SYTL2: variants seen among roughly 807,000 people sequenced by gnomAD.
SYTL2 encodes the protein synaptotagmin-like protein 2.
A neutral mutation model predicts 198.7 loss-of-function variants in SYTL2; 165 were observed. The ratio of observed to expected loss-of-function variants is 0.83; its 90% CI spans 0.73 to 0.94. The LOEUF is 0.94. Ranked by LOEUF, SYTL2 falls within the 40% of genes least tolerant of loss-of-function variation. The pLI is 0.00. For synonymous variants in SYTL2, 966 were observed against 917.7 expected, an observed-to-expected ratio of 1.05 and a Z score of -0.95; for missense variants, 2,835 against 2,582.8, an observed-to-expected ratio of 1.10 and a Z score of -2.12.
intron 2 of SYTL2, among the ~76,000 whole-genome samples, chr11:85,749,067 G>A (rs2091352460): frequency 6.6e-6 from 1 of 152,154 alleles, no homozygotes; most frequent in Non-Finnish European, 1.5e-5. Flanking sequence ...GAGGAGGAGT[G>A]TGTACAGGCA....
At chr11:85,707,976 C>CCACA (rs374898366) in intron 14 of SYTL2, 1,200 of 96,664 alleles carry the variant, frequency 0.012, 13 homozygotes, top group Admixed American at 0.019. Context: ...AAAAAAAAAA[C>CCACA]CACACACACA....
In SYTL2 at chr11:85,734,515, C is replaced by T. The variant is rs1452117759; in HGVS notation, c.814G>A (p.Gly272Arg). Residue 272 changes from glycine (G) to arginine (R), a missense_variant, in exon 7 of 20, where the codon GGG becomes AGG. Around this residue, in one of 3 missense-constraint regions of SYTL2, gnomAD observed 2,645 missense variants for 2,381.7 expected, o/e 1.11. Coordinates refer to ENST00000359152, the MANE Select transcript of SYTL2 (RefSeq NM_206927.4). The stretch of plus-strand genomic sequence containing the variant: ...GAACTGGAGTTGCGCTTGAGGATCC[C>T]TCTCGGAGCCCCTCTCGCTTTCAGG... Reference protein sequence around the residue: ...DSLKARGAPRGILKRNSSSSS... With the variant: ...DSLKARGAPRRILKRNSSSSS... The T allele has an allele frequency of 1.2e-6, 2 of 1,614,084 alleles. No homozygotes were observed. Among genetic ancestry groups the T allele is most frequent in the Non-Finnish European group, 1.7e-6 (2 of 1,180,030 alleles).
At position 85,727,151 on chromosome 11, in the gene SYTL2, T is replaced by G. The variant is rs1197169053; in HGVS notation, c.2207A>C (p.Lys736Thr). Residue 736 changes from lysine (K) to threonine (T), a missense_variant, in exon 8 of 20, where the codon AAA (lysine) becomes ACA (threonine). Coordinates refer to ENST00000359152, the MANE Select transcript of SYTL2 (RefSeq NM_206927.4). ...KDNMNAERKS[K>T]VGNTYILKAS... is the part of the protein sequence containing the mutation. ...TTTCAGGATATAGGTATTTCCTACT[T>G]TGCTCTTTCTCTCTGCATTCATGTT... is the stretch of plus-strand genomic sequence containing the variant. 3 of 1,536,284 alleles carry G rather than the reference T, an allele frequency of 2.0e-6. No homozygotes were observed. The highest frequency in any genetic ancestry group is 2.6e-6 in the Non-Finnish European group (3 of 1,146,896).
In SYTL2 at chr11:85,747,996, G is replaced by A. The variant is rs143053079; in HGVS notation, c.253+276C>T. On this transcript the variant is annotated intron_variant, in intron 3 of 19. Transcript: ENST00000359152. ...CAGAGTTAAAAGCCAAAGAAGAGGT[G>A]GTAGATCCTTTACAGGCCCCAACTA... Among the ~76,000 whole-genome samples, 894 of 152,156 alleles carry A rather than the reference G, an allele frequency of 5.9e-3. 2 individuals carry two copies. Among genetic ancestry groups the A allele is most frequent in the Middle Eastern group, 0.01 (3 of 294 alleles).
the SYTL2 span, among the ~76,000 whole-genome samples, chr11:85,834,181 A>G: frequency 6.6e-6 from 1 of 152,348 alleles, no homozygotes; most frequent in African/African-American, 2.4e-5. Flanking sequence ...AGATATTATC[A>G]CATTCAGAAT....
rs993539965 is a variant in SYTL2, at chr11:85,729,790, A to G, written c.1391-1823T>C. On this transcript the variant is annotated intron_variant, in intron 7 of 19. Transcript: ENST00000359152. ...ACACAAAAAACCCTTCAAAAAATCA[A>G]TGAATCCAGGAGCAGGTTCAGGTTT... 5.3e-5 allele frequency among the ~76,000 whole-genome samples: 8 copies of G among 152,342 alleles called. 1 individual carries two copies. The South Asian group carries it at 6.2e-4, about 12-fold the overall frequency.
the SYTL2 span, among the ~76,000 whole-genome samples, chr11:85,844,293 G>C: frequency 6.6e-6 from 1 of 152,184 alleles, no homozygotes; most frequent in Non-Finnish European, 1.5e-5. Context: ...GGGTAAAATA[G>C]TATGTCCTCA....
At chr11:85,742,207 C>T (rs1565965706) in intron 4 of SYTL2, among the ~76,000 whole-genome samples, 1 of 152,172 alleles carries the variant, frequency 6.6e-6, no homozygotes, top group African/African-American at 2.4e-5. Context: ...TCTAGTTCTC[C>T]ATCTTGAATG....
At chr11:85,812,129 A>T (rs1592108685), upstream of SYTL2, among the ~76,000 whole-genome samples, 1 of 152,366 alleles carries the variant, frequency 6.6e-6, no homozygotes, top group East Asian at 1.9e-4. Context: ...AAAATAATTT[A>T]AAAATTGTAT....
At chr11:85,748,979 G>A (rs2091343960) in intron 2 of SYTL2, among the ~76,000 whole-genome samples, 1 of 152,174 alleles carries the variant, frequency 6.6e-6, no homozygotes, top group African/African-American at 2.4e-5. Context: ...GCCTGTGGAG[G>A]AGGAGTGATG....
Position 85,722,414 on chromosome 11 carries a change from T to C in SYTL2, c.5327-1455A>G, listed in dbSNP as rs1012035289. 5.3e-5 allele frequency among the ~76,000 whole-genome samples: 8 copies of C among 152,084 alleles called. 1 individual carries two copies. The highest frequency in any genetic ancestry group is 1.0e-4 in the Non-Finnish European group (7 of 68,008). On this transcript the variant is annotated intron_variant, in intron 8 of 19. Transcript: ENST00000359152. ...TGGTCTCGATATCCTCACCTCATGATCTGCCCGCCTTGGCCTCCCAAAGTG... is the reference window on the plus strand; with the variant it reads ...TGGTCTCGATATCCTCACCTCATGACCTGCCCGCCTTGGCCTCCCAAAGTG...
At chr11:85,700,703 C>T (rs1016527311) in intron 16 of SYTL2, 110 bp from the exon 17 acceptor site, 2 of 771,292 alleles carry the variant, frequency 2.6e-6, no homozygotes, top group African/African-American at 1.7e-5. Context: ...CCATGTGTCA[C>T]TCATGAGTGC....
intron 1 of SYTL2, among the ~76,000 whole-genome samples, chr11:85,773,799 C>T (rs1477026964): frequency 6.6e-6 from 1 of 152,102 alleles, no homozygotes; most frequent in African/African-American, 2.4e-5. Context: ...TAAGCCTTTG[C>T]CTTATTAGGA....
chr11:85,793,114 C>T (rs964974417), intron 1 of SYTL2, among the ~76,000 whole-genome samples: 7 of 151,732 alleles, frequency 4.6e-5, no homozygotes, highest in African/African-American at 1.7e-4. Flanking sequence ...TTTATAGCAG[C>T]ATGATTTATA....
the SYTL2 span, among the ~76,000 whole-genome samples, chr11:85,847,594 T>C: frequency 2.0e-5 from 3 of 152,346 alleles, no homozygotes; most frequent in African/African-American, 7.2e-5. Context: ...ATCAGGAATA[T>C]ATGAAAGTTC....
At chr11:85,781,850 G>A (rs2092565592) in intron 1 of SYTL2, among the ~76,000 whole-genome samples, 1 of 152,222 alleles carries the variant, frequency 6.6e-6, no homozygotes, top group Non-Finnish European at 1.5e-5. Context: ...CTCCACCCCT[G>A]TGGCTTTGTA....
intron 1 of SYTL2, among the ~76,000 whole-genome samples, chr11:85,765,606 T>C (rs534470241): frequency 7.9e-5 from 12 of 152,320 alleles, no homozygotes; most frequent in Non-Finnish European, 1.5e-4. Flanking sequence ...CTTTCACTTT[T>C]GTAAGGATTC....
At chr11:85,753,704 G>C (rs2091685216) in intron 2 of SYTL2, among the ~76,000 whole-genome samples, 1 of 148,752 alleles carries the variant, frequency 6.7e-6, no homozygotes, top group African/African-American at 2.5e-5. Context: ...GTTGGAGGCT[G>C]CACTGAGCTA....
chr11:85,721,752 A>C (rs1405803591), intron 8 of SYTL2, among the ~76,000 whole-genome samples: 1 of 152,226 alleles, frequency 6.6e-6, no homozygotes, highest in Non-Finnish European at 1.5e-5. Context: ...TTCCTGAAAT[A>C]CATTCCAGTT....
Sources: gnomAD v4.1 joint callset for allele counts (sites outside exome capture counted in the v4.1 genomes callset) on GRCh38, gnomAD v4.1.1 for gene constraint, gnomAD v4.1.1 regional missense constraint, MANE v1.5 for transcripts, NCBI Gene and HGNC (gene_info 2026-07-23, HGNC 2026-07-21) for gene names.